Variants in NIBAN2 observed in about 807,000 individuals in gnomAD.
The protein encoded by NIBAN2 is niban apoptosis regulator 2.
NIBAN2 carries 36 observed loss-of-function variants against 81.8 expected under a neutral mutation model. That is an observed-to-expected ratio of 0.44 (90% confidence interval 0.34 to 0.58). The LOEUF (loss-of-function observed/expected upper bound fraction) is 0.58. NIBAN2 is among the 20% of genes least tolerant of loss of function. NIBAN2 has a pLI of 0.02. For missense variants in NIBAN2, 897 were observed against 1,014.1 expected, an observed-to-expected ratio of 0.88 and a Z score of 1.57; for synonymous variants, 445 against 441.6, an observed-to-expected ratio of 1.01 and a Z score of -0.10.
intron 1 of NIBAN2, among the ~76,000 whole-genome samples, chr9:127,544,489 A>AT (rs1465226764): frequency 2.0e-5 from 3 of 151,336 alleles, no homozygotes; most frequent in Admixed American, 6.6e-5. Flanking sequence ...TTTTTCTTTT[A>AT]TTTTTTTAAT....
intron 1 of NIBAN2, among the ~76,000 whole-genome samples, chr9:127,577,124 A>G (rs1273500796): frequency 6.6e-6 from 1 of 151,746 alleles, no homozygotes; most frequent in Non-Finnish European, 1.5e-5. Context: ...CCTGGCCAAC[A>G]TGGTGAAAGC....
Position 127,536,758 on chromosome 9 carries a change from T to C in NIBAN2, c.56-4980A>G, listed in dbSNP as rs1054947387. Reference sequence around the variant, plus strand: ...GGTCACACAGCCAGATGGAGGCAATTAGGTTCGAGCCATAGTCGGCTGCAT... The same window carrying C: ...GGTCACACAGCCAGATGGAGGCAATCAGGTTCGAGCCATAGTCGGCTGCAT... On this transcript the variant is annotated intron_variant, in intron 1 of 13. Coordinates refer to ENST00000373312, the MANE Select transcript of NIBAN2 (RefSeq NM_022833.4). This position sits in a 1 kb window ranked among gnomAD's most constrained non-coding sequence, Gnocchi z 4.0. Among the ~76,000 whole-genome samples the C allele has an allele frequency of 6.6e-6, 1 of 152,146 alleles. No homozygotes were observed. Among genetic ancestry groups the C allele is most frequent in the Non-Finnish European group, 1.5e-5 (1 of 68,018 alleles).
chr9:127,536,024 CAGA>C lies in NIBAN2; in HGVS notation c.56-4249_56-4247del, dbSNP rs1266297897. 2.0e-5 allele frequency among the ~76,000 whole-genome samples: 3 copies of C among 152,070 alleles called. No individual in the cohort carries two copies. Among genetic ancestry groups the C allele is most frequent in the Non-Finnish European group, 4.4e-5 (3 of 68,008 alleles). On this transcript the variant is annotated intron_variant, in intron 1 of 13. Coordinates refer to ENST00000373312, the MANE Select transcript of NIBAN2 (RefSeq NM_022833.4). The surrounding 1 kb of genome is among the most constrained non-coding windows in gnomAD (Gnocchi z 4.0). ...GCAGCACCGGGAAGCCAGCTCCGCT[CAGA>C]AGAAGGGTGGCGACCACGGGAGAGC... is the stretch of plus-strand genomic sequence containing the variant.
At chr9:127,524,304 A>G (rs565798750) in intron 4 of NIBAN2, among the ~76,000 whole-genome samples, 1 of 152,220 alleles carries the variant, frequency 6.6e-6, no homozygotes, top group East Asian at 1.9e-4. Flanking sequence ...CCCTCCTTCA[A>G]TTTCATTCTC....
chr9:127,576,093 A>G (rs1191451302), intron 1 of NIBAN2, among the ~76,000 whole-genome samples: 3 of 152,212 alleles, frequency 2.0e-5, no homozygotes, highest in Admixed American at 1.3e-4. Context: ...CTCCTTCGAC[A>G]TGACATCACT....
In NIBAN2 at chr9:127,517,240, G is replaced by A. The variant is rs1386782565; in HGVS notation, c.706-24C>T. On this transcript the variant is annotated intron_variant, in intron 6 of 13. Coordinates refer to ENST00000373312, the MANE Select transcript of NIBAN2 (RefSeq NM_022833.4). The surrounding 1 kb of genome is among the most constrained non-coding windows in gnomAD (Gnocchi z 4.0). ...ATCTAGGTTGAGGAGGCACAAGCCA[G>A]GCCAGGGGCTGGAGAGCGCTCAGCT... The A allele has an allele frequency of 3.7e-6, 6 of 1,605,094 alleles. No individual in the cohort carries two copies. The African/African-American group carries it at 6.7e-5, about 18-fold the overall frequency.
chr9:127,534,601 C>T (rs921778156), intron 1 of NIBAN2, among the ~76,000 whole-genome samples: 4 of 152,114 alleles, frequency 2.6e-5, no homozygotes, highest in Non-Finnish European at 4.4e-5. Flanking sequence ...GGCCCTGCCT[C>T]AGTGATGGGG....
At chr9:127,540,871 C>A (rs1281635072) in intron 1 of NIBAN2, among the ~76,000 whole-genome samples, 1 of 152,194 alleles carries the variant, frequency 6.6e-6, no homozygotes, top group Non-Finnish European at 1.5e-5. Context: ...ACACACCTCA[C>A]CCACGAGGCC....
At chr9:127,511,887 C>T (rs188049486) in intron 8 of NIBAN2, among the ~76,000 whole-genome samples, 2 of 152,284 alleles carry the variant, frequency 1.3e-5, no homozygotes, top group Non-Finnish European at 2.9e-5. Flanking sequence ...ATCAAAACTA[C>T]AATGAGATGC....
At chr9:127,560,234 T>C (rs1221418233) in intron 1 of NIBAN2, among the ~76,000 whole-genome samples, 3 of 152,014 alleles carry the variant, frequency 2.0e-5, no homozygotes, top group African/African-American at 7.3e-5. Flanking sequence ...TCCAGACAGG[T>C]TTCCCTGTAG....
chr9:127,578,536 C>G (rs1215364722), intron 1 of NIBAN2, among the ~76,000 whole-genome samples: 1 of 151,486 alleles, frequency 6.6e-6, no homozygotes, highest in East Asian at 1.9e-4. Flanking sequence ...GCGGTGGGGC[C>G]CTGTCATCCC....
Position 127,517,158 on chromosome 9 carries a change from G to A in NIBAN2, c.764C>T (p.Pro255Leu), listed in dbSNP as rs567489926. Residue 255 changes from proline to leucine, a missense_variant, in exon 7 of 14, where the codon CCG (proline) becomes CTG (leucine). By Grantham distance (98) the Pro-to-Leu change is moderately conservative. Around this residue, in one of 3 missense-constraint regions of NIBAN2, gnomAD observed 619 missense variants for 691.0 expected, o/e 0.90. Transcript: ENST00000373312. The surrounding 1 kb of genome is among the most constrained non-coding windows in gnomAD (Gnocchi z 4.0). ...CTCCTGCGGTTTCCCCTTCAGCCGC[G>A]GGCCGAGCTCTGCCTTCAGCTCAGG... ...LGPELKAELG[P>L]RLKGKPQERQ... The A allele has an allele frequency of 1.9e-5, 30 of 1,614,042 alleles. 2 individuals are homozygous for A. The Admixed American group carries it at 3.3e-4, about 18-fold the overall frequency.
intron 1 of NIBAN2, among the ~76,000 whole-genome samples, chr9:127,561,551 AC>A: frequency 6.6e-6 from 1 of 152,284 alleles, no homozygotes; most frequent in South Asian, 2.1e-4. Context: ...GCCCCCGAAC[AC>A]CAGTCCATCC....
At chr9:127,529,615 G>A (rs1837141659) in intron 2 of NIBAN2, among the ~76,000 whole-genome samples, 1 of 152,190 alleles carries the variant, frequency 6.6e-6, no homozygotes, top group African/African-American at 2.4e-5. Context: ...ACTCCAGCCT[G>A]GGCAACAGAG....
At chr9:127,548,662 T>C (rs748884633) in intron 1 of NIBAN2, among the ~76,000 whole-genome samples, 10 of 152,260 alleles carry the variant, frequency 6.6e-5, no homozygotes, top group East Asian at 1.9e-4. Flanking sequence ...TCGATGCTAA[T>C]GAAAATACCT....
intron 3 of NIBAN2, among the ~76,000 whole-genome samples, chr9:127,526,553 G>A (rs984798279): frequency 2.0e-5 from 3 of 152,180 alleles, no homozygotes; most frequent in Non-Finnish European, 4.4e-5. Context: ...TGGGGCACGA[G>A]GTTGCTCTTG....
upstream of NIBAN2, chr9:127,579,021 G>T: frequency 7.6e-7 from 1 of 1,307,678 alleles, no homozygotes; most frequent in Non-Finnish European, 1.1e-6. Context: ...GCTGTTTGCT[G>T]CTGAGCCAGT....
rs1205378845 is a variant in NIBAN2, at chr9:127,545,256, C to T, written c.56-13478G>A. On this transcript the variant is annotated intron_variant, in intron 1 of 13. Transcript: ENST00000373312. The surrounding 1 kb of genome is among the most constrained non-coding windows in gnomAD (Gnocchi z 4.7). Reference sequence around the variant, plus strand: ...CGGAACCCTCCCTCCAGACAAGTCCCGGCCTCCCAGGTCTCCACAGCCTCC... The same window carrying T: ...CGGAACCCTCCCTCCAGACAAGTCCTGGCCTCCCAGGTCTCCACAGCCTCC... Among the ~76,000 whole-genome samples the T allele has an allele frequency of 3.3e-5, 5 of 152,126 alleles. No individual in the cohort carries two copies. Among genetic ancestry groups the T allele is most frequent in the Non-Finnish European group, 7.4e-5 (5 of 68,018 alleles).
intron 1 of NIBAN2, among the ~76,000 whole-genome samples, chr9:127,544,214 G>T (rs1327587114): frequency 6.6e-6 from 1 of 152,198 alleles, no homozygotes; most frequent in Non-Finnish European, 1.5e-5. Flanking sequence ...ACCTAACATG[G>T]CGCTGGCCTT....
Sources: allele counts gnomAD v4.1 joint callset (sites outside exome capture counted in the v4.1 genomes callset), GRCh38; gene constraint gnomAD v4.1.1; regional missense constraint gnomAD v4.1.1; non-coding constraint Gnocchi (gnomAD v3.1); transcripts MANE v1.5; gene names NCBI Gene and HGNC (gene_info 2026-07-23, HGNC 2026-07-21).